Variants in FSTL5 observed in about 807,000 individuals in gnomAD.
FSTL5 encodes the protein follistatin like 5, also known as follistatin-related protein 5.
FSTL5 carries 62 observed loss-of-function variants against 89.1 expected under a neutral mutation model. That is an observed-to-expected ratio of 0.70 (90% CI 0.57 to 0.86). FSTL5 has a LOEUF of 0.86. Among genes scored for constraint, FSTL5 ranks in the 40% least tolerant of loss-of-function variants. The pLI, the probability that FSTL5 is intolerant of heterozygous loss-of-function variation, is 0.00. For synonymous variants in FSTL5, 383 were observed against 346.2 expected, an observed-to-expected ratio of 1.11 and a Z score of -1.18; for missense variants, 1,057 against 1,001.6, an observed-to-expected ratio of 1.06 and a Z score of -0.75.
At chr4:162,157,301 C>A (rs1179212247) in intron 1 of FSTL5, among the ~76,000 whole-genome samples, 1 of 151,918 alleles carries the variant, frequency 6.6e-6, no homozygotes, top group East Asian at 1.9e-4. Flanking sequence ...AATTTGTCAT[C>A]AACTGACTGC....
At chr4:161,811,269 T>C (rs925768608) in intron 4 of FSTL5, among the ~76,000 whole-genome samples, 2 of 152,090 alleles carry the variant, frequency 1.3e-5, no homozygotes, top group Admixed American at 1.3e-4. Context: ...AAGTACAATT[T>C]TATGGAAGCC....
At chr4:161,756,457 T>G (rs1334378772) in intron 6 of FSTL5, among the ~76,000 whole-genome samples, 1 of 152,124 alleles carries the variant, frequency 6.6e-6, no homozygotes, top group Non-Finnish European at 1.5e-5. Context: ...TTTCTAATAG[T>G]TAATGAAACC....
At chr4:162,067,157 C>A (rs1377841465) in intron 2 of FSTL5, among the ~76,000 whole-genome samples, 1 of 152,026 alleles carries the variant, frequency 6.6e-6, no homozygotes, top group Non-Finnish European at 1.5e-5. Flanking sequence ...AATCCTTTAA[C>A]CTCACCCACC....
At chr4:161,638,108 C>T (rs1261719573) in intron 7 of FSTL5, among the ~76,000 whole-genome samples, 1 of 142,094 alleles carries the variant, frequency 7.0e-6, no homozygotes, top group African/African-American at 2.6e-5. Context: ...ATGGAATGTT[C>T]TTCCATTTGT....
chr4:162,062,911 T>C (rs1002049026), intron 2 of FSTL5, among the ~76,000 whole-genome samples: 3 of 151,714 alleles, frequency 2.0e-5, no homozygotes, highest in African/African-American at 7.2e-5. Context: ...TTCTGAAATA[T>C]ACCCAGTATT....
chr4:161,805,208 C>A (rs1014830384), intron 4 of FSTL5, among the ~76,000 whole-genome samples: 2 of 151,930 alleles, frequency 1.3e-5, no homozygotes, highest in Non-Finnish European at 2.9e-5. Flanking sequence ...TTCTTTATAC[C>A]AAGGGCATTC....
intron 4 of FSTL5, among the ~76,000 whole-genome samples, chr4:161,823,878 A>G (rs2126853894): frequency 6.6e-6 from 1 of 152,250 alleles, no homozygotes. Context: ...TTTCTTGCTA[A>G]TTTGTTTGAA....
chr4:161,854,129 T>C (rs542906525), intron 4 of FSTL5, among the ~76,000 whole-genome samples: 92 of 152,256 alleles, frequency 6.0e-4, no homozygotes, highest in African/African-American at 2.2e-3. Context: ...TGGAGGAGTA[T>C]AGGACTGGCC....
chr4:162,052,525 C>T (rs1738410646), intron 2 of FSTL5, among the ~76,000 whole-genome samples: 1 of 151,576 alleles, frequency 6.6e-6, no homozygotes. Context: ...CCCCTGCAAC[C>T]CATTATTATG....
chr4:161,875,035 C>T (rs1267509793), intron 4 of FSTL5, among the ~76,000 whole-genome samples: 1 of 151,974 alleles, frequency 6.6e-6, no homozygotes, highest in African/African-American at 2.4e-5. Flanking sequence ...TTTTAAAAAC[C>T]TTTTGAATAT....
intron 4 of FSTL5, among the ~76,000 whole-genome samples, chr4:161,837,731 C>T (rs1168274489): frequency 2.6e-5 from 4 of 151,936 alleles, no homozygotes; most frequent in Non-Finnish European, 5.9e-5. Context: ...AAACAAAATG[C>T]TTTATAAAGG....
intron 3 of FSTL5, among the ~76,000 whole-genome samples, chr4:161,996,895 A>G (rs775627612): frequency 6.6e-6 from 1 of 152,224 alleles, no homozygotes; most frequent in African/African-American, 2.4e-5. Flanking sequence ...CTCTCGGGAT[A>G]GATGTTATGA....
At chr4:161,687,741 GAC>G (rs1737795449) in intron 6 of FSTL5, among the ~76,000 whole-genome samples, 1 of 152,082 alleles carries the variant, frequency 6.6e-6, no homozygotes, top group Non-Finnish European at 1.5e-5. Flanking sequence ...TCAGTATTTG[GAC>G]TTCTTACACC....
intron 4 of FSTL5, among the ~76,000 whole-genome samples, chr4:161,823,838 T>C (rs1335769025): frequency 6.6e-6 from 1 of 152,212 alleles, no homozygotes; most frequent in East Asian, 1.9e-4. Flanking sequence ...TTCATGTCCT[T>C]AGCCCACTTT....
In FSTL5 at chr4:162,156,026, TA is replaced by T. The variant is rs1172715035; in HGVS notation, c.-17+7588del. 5.3e-5 allele frequency among the ~76,000 whole-genome samples: 8 copies of T among 152,230 alleles called. No individual in the cohort carries two copies. In the East Asian group the frequency reaches 5.8e-4, roughly 11 times the overall value. Reference sequence around the variant, plus strand: ...ATATGAAATCTGTAACAGCAGGACATAAAGAGTAGGATCTGATCATGCAGTT... The same window carrying T: ...ATATGAAATCTGTAACAGCAGGACATAAGAGTAGGATCTGATCATGCAGTT... On this transcript the variant is annotated intron_variant, in intron 1 of 15. Coordinates refer to ENST00000306100, the MANE Select transcript of FSTL5 (RefSeq NM_020116.5).
At chr4:161,558,890 T>A (rs1182345072) in intron 8 of FSTL5, among the ~76,000 whole-genome samples, 1 of 151,874 alleles carries the variant, frequency 6.6e-6, no homozygotes, top group East Asian at 1.9e-4. Flanking sequence ...AACATATTTA[T>A]TATCAATTTG....
rs1245518094 is a variant in FSTL5 at position 161,969,475 on chromosome 4, TAGAG to T, written c.161-48827_161-48824del. ...AAATAGCAGAATTTGTTAGAAAAGA[TAGAG>T]AGATCAAAATACCAATTTAGGTATT... On this transcript the variant is annotated intron_variant, in intron 3 of 15. Transcript: ENST00000306100. 3.9e-5 allele frequency among the ~76,000 whole-genome samples: 6 copies of T among 152,174 alleles called. No homozygotes were observed. In the East Asian group the frequency reaches 9.7e-4, roughly 24 times the overall value.
At chr4:161,816,751 C>T (rs1173170176) in intron 4 of FSTL5, among the ~76,000 whole-genome samples, 3 of 152,052 alleles carry the variant, frequency 2.0e-5, no homozygotes, top group Admixed American at 1.3e-4. Flanking sequence ...AGAGATAAAG[C>T]CTGGGACAAG....
At position 161,669,138 on chromosome 4, in the gene FSTL5, TAAAAG is replaced by T. The variant is rs796943078; in HGVS notation, c.728-12649_728-12645del. Among the ~76,000 whole-genome samples, 1,350 of 142,232 alleles carry T rather than the reference TAAAAG, an allele frequency of 9.5e-3. 18 individuals are homozygous for T. Among genetic ancestry groups the T allele is most frequent in the African/African-American group, 0.033 (1,266 of 38,818 alleles). 93.3% of individuals were successfully genotyped at this position (142,232 alleles called of 152,430 possible). A position where few individuals can be genotyped will look rare whatever the true frequency, so the allele number is the denominator to read the frequency against. ...AAAAAAAAAAAAAAATAAAATAAAA[TAAAAG>T]AAAAAGAAAAATAAATAAATAAATA... On this transcript the variant is annotated intron_variant, in intron 6 of 15. Coordinates refer to ENST00000306100, the MANE Select transcript of FSTL5 (RefSeq NM_020116.5).
Sources: gnomAD v4.1 joint callset for allele counts (sites outside exome capture counted in the v4.1 genomes callset) on GRCh38, gnomAD v4.1.1 for gene constraint, MANE v1.5 for transcripts, NCBI Gene and HGNC (gene_info 2026-07-23, HGNC 2026-07-21) for gene names.